Variants in OSBPL9 observed in about 807,000 individuals in gnomAD.
OSBPL9 encodes oxysterol binding protein like 9.
In OSBPL9, 40 loss-of-function variants were observed where a neutral mutation model predicts 106.6. The observed-to-expected ratio is 0.38, with a 90% confidence interval of 0.29 to 0.49. OSBPL9 has a LOEUF of 0.49. Among genes scored for constraint, OSBPL9 ranks in the 20% least tolerant of loss-of-function variants. The pLI is 0.97. For missense variants in OSBPL9, 609 were observed against 887.2 expected (o/e 0.69, Z 3.98); for synonymous variants, 269 against 295.4 (o/e 0.91, Z 0.92).
At chr1:51,595,104 G>A (rs969679351) in intron 1 of OSBPL9, among the ~76,000 whole-genome samples, 24 of 152,130 alleles carry the variant, frequency 1.6e-4, no homozygotes, top group Admixed American at 5.9e-4. Flanking sequence ...CCCTCCATTC[G>A]AGGCCTGGGG....
the OSBPL9 span, among the ~76,000 whole-genome samples, chr1:51,560,227 G>A: frequency 6.6e-6 from 1 of 152,208 alleles, no homozygotes; most frequent in African/African-American, 2.4e-5. Flanking sequence ...CCCAAGGACA[G>A]GTGGCTGTGG....
chr1:51,635,348 A>C (rs535424138), intron 1 of OSBPL9, among the ~76,000 whole-genome samples: 3 of 152,096 alleles, frequency 2.0e-5, no homozygotes, highest in African/African-American at 4.8e-5. Context: ...TAATCTTCCT[A>C]GATTAGATAA....
At chr1:51,716,308 C>G (rs1467172979) in intron 4 of OSBPL9, among the ~76,000 whole-genome samples, 1 of 152,186 alleles carries the variant, frequency 6.6e-6, no homozygotes, top group African/African-American at 2.4e-5. Flanking sequence ...ACTCTAGAGC[C>G]AGAATGTCTG....
chr1:51,548,396 G>C, the OSBPL9 span, among the ~76,000 whole-genome samples: 1 of 151,618 alleles, frequency 6.6e-6, no homozygotes, highest in Non-Finnish European at 1.5e-5. Context: ...ACCACACCTA[G>C]CTTGGTTTTT....
intron 20 of OSBPL9, chr1:51,784,895 G>T (rs1455511281): frequency 1.2e-5 from 4 of 332,836 alleles, no homozygotes; most frequent in African/African-American, 8.6e-5. Context: ...TTGCCAGATT[G>T]AATGATGAGC....
chr1:51,532,128 T>C, the OSBPL9 span, among the ~76,000 whole-genome samples: 1 of 152,104 alleles, frequency 6.6e-6, no homozygotes, highest in Non-Finnish European at 1.5e-5. Flanking sequence ...AAGAAAAGTA[T>C]AATTAGAGGA....
At chr1:51,690,757 G>A (rs1249961995) in intron 3 of OSBPL9, among the ~76,000 whole-genome samples, 4 of 152,246 alleles carry the variant, frequency 2.6e-5, no homozygotes, top group African/African-American at 9.6e-5. Context: ...GAAGCAGGAG[G>A]GAGAAATAAA....
chr1:51,560,209 A>C, the OSBPL9 span, among the ~76,000 whole-genome samples: 1 of 152,242 alleles, frequency 6.6e-6, no homozygotes. Context: ...GGGACTTTGC[A>C]GGATATACCC....
chr1:51,781,541 ATC>A, intron 16 of OSBPL9: 1 of 522,150 alleles, frequency 1.9e-6, no homozygotes, highest in Non-Finnish European at 3.4e-6. Context: ...TAGAAATCAG[ATC>A]TTGCAAGGTC....
At chr1:51,666,620 G>A (rs1648578310) in intron 2 of OSBPL9, among the ~76,000 whole-genome samples, 1 of 152,156 alleles carries the variant, frequency 6.6e-6, no homozygotes, top group Non-Finnish European at 1.5e-5. Flanking sequence ...CTAAACCACA[G>A]TGACTAGTTA....
the OSBPL9 span, among the ~76,000 whole-genome samples, chr1:51,534,743 A>G: frequency 3.9e-5 from 6 of 152,344 alleles, no homozygotes; most frequent in South Asian, 1.2e-3. Context: ...TGAAAATATC[A>G]GAATCTCTCT....
rs528968488 is a variant in OSBPL9, at chr1:51,691,626, A to AT, written c.241+22121dup. The stretch of plus-strand genomic sequence containing the variant: ...CTTTTTTTACTGGATAAGCTTTTTA[A>AT]TTTTTTTAACTTCATGTCTCTTTTG... On this transcript the variant is annotated intron_variant, in intron 3 of 23. Coordinates refer to ENST00000428468, the MANE Select transcript of OSBPL9 (RefSeq NM_024586.6). Among the ~76,000 whole-genome samples the AT allele has an allele frequency of 6.4e-3, 966 of 152,086 alleles. 7 individuals carry two copies. Among genetic ancestry groups the AT allele is most frequent in the Non-Finnish European group, 0.011 (755 of 67,986 alleles).
chr1:51,707,480 T>C (rs575623551), intron 3 of OSBPL9: 7 of 181,938 alleles, frequency 3.8e-5, no homozygotes, highest in Non-Finnish European at 8.2e-5. Context: ...AGTTTGGGGA[T>C]GACCTTGCCT....
chr1:51,558,166 A>G, the OSBPL9 span, among the ~76,000 whole-genome samples: 32 of 151,892 alleles, frequency 2.1e-4, no homozygotes, highest in African/African-American at 3.6e-4. Flanking sequence ...TGTAGTCCCA[A>G]CTACTTGGGA....
chr1:51,675,804 A>G (rs930908742), intron 3 of OSBPL9, among the ~76,000 whole-genome samples: 9 of 152,220 alleles, frequency 5.9e-5, no homozygotes, highest in Non-Finnish European at 2.9e-5. Context: ...ATAAAATTTT[A>G]TCTGTTTAAT....
At chr1:51,638,589 G>A (rs1156455030) in intron 1 of OSBPL9, among the ~76,000 whole-genome samples, 1 of 151,958 alleles carries the variant, frequency 6.6e-6, no homozygotes, top group Non-Finnish European at 1.5e-5. Flanking sequence ...GAAAAGAAAG[G>A]CGGGGCACGG....
intron 2 of OSBPL9, among the ~76,000 whole-genome samples, chr1:51,599,163 T>C (rs1468050750): frequency 6.6e-6 from 1 of 152,156 alleles, no homozygotes; most frequent in Non-Finnish European, 1.5e-5. Flanking sequence ...CAGTGAGCTA[T>C]GATTACACCA....
chr1:51,650,356 A>G (rs1646437677), intron 1 of OSBPL9, among the ~76,000 whole-genome samples: 1 of 152,220 alleles, frequency 6.6e-6, no homozygotes, highest in African/African-American at 2.4e-5. Flanking sequence ...TAACCTCATC[A>G]GGGATTTTCA....
At position 51,591,777 on chromosome 1, in the gene OSBPL9, G is replaced by C. The variant is rs559187552; in HGVS notation, c.-422-6347G>C. Among the ~76,000 whole-genome samples the C allele has an allele frequency of 7.8e-4, 115 of 146,520 alleles. 3 individuals are homozygous for C. The South Asian group carries it at 0.024, about 31-fold the overall frequency. On this transcript the variant is annotated intron_variant, in intron 1 of 25. Transcript: ENST00000371714. ...ACTGCACTCCAGCCTGGGCAACAGA[G>C]CAAGACTGAAAGAAAGAGACAGAGA...
Sources: allele counts gnomAD v4.1 joint callset (sites outside exome capture counted in the v4.1 genomes callset), GRCh38; gene constraint gnomAD v4.1.1; transcripts MANE v1.5; gene names NCBI Gene and HGNC (gene_info 2026-07-23, HGNC 2026-07-21).